The following KAT7 variants were observed in gnomAD, a reference collection of about 807,000 sequenced individuals.
The protein encoded by KAT7 is lysine acetyltransferase 7, also known as histone acetyltransferase KAT7.
Under a neutral mutation model 82.1 loss-of-function variants are expected in KAT7, and 10 were observed. The ratio of observed to expected loss-of-function variants is 0.12; its 90% CI spans 0.08 to 0.21. The LOEUF is 0.21. Ranked by LOEUF, KAT7 falls within the 10% of genes least tolerant of loss-of-function variation. The probability of loss-of-function intolerance (pLI) is 1.00; values close to 1 mark genes in which losing one functional copy is unlikely to be tolerated. For synonymous variants in KAT7, 250 were observed against 262.5 expected (o/e 0.95, Z 0.46); for missense variants, 378 against 760.9 (o/e 0.50, Z 5.92).
At chr17:49,825,289 T>C (rs1024398194) in intron 12 of KAT7, among the ~76,000 whole-genome samples, 1 of 152,228 alleles carries the variant, frequency 6.6e-6, no homozygotes, top group Non-Finnish European at 1.5e-5. Context: ...CACTATCTCA[T>C]AGGTGGTACT....
chr17:49,820,063 T>C (rs1448481143), intron 9 of KAT7, among the ~76,000 whole-genome samples: 1 of 152,176 alleles, frequency 6.6e-6, no homozygotes, highest in Non-Finnish European at 1.5e-5. Context: ...GAGACCAGCC[T>C]GGGCAAAATA....
chr17:49,823,522 G>A (rs2074331440), intron 12 of KAT7: 3 of 448,204 alleles, frequency 6.7e-6, no homozygotes, highest in African/African-American at 6.0e-5. Flanking sequence ...AGGTACAGAG[G>A]ATGATAAAGT....
In KAT7 at chr17:49,809,197, A is replaced by G. The variant is rs2074130583; in HGVS notation, c.742A>G (p.Thr248Ala). ...HRQDDNNRHATRHQAPTERQL... is the reference protein window; with the variant it reads ...HRQDDNNRHAARHQAPTERQL... ...GCAAGATGACAACAACAGGCATGCA[A>G]CCAGGCACCAGGTATGGGCCTTGTT... The change falls in exon 6 of 15, where the codon ACC (threonine) becomes GCC (alanine). Residue 248 changes from threonine (T) to alanine (A), a missense_variant. Thr to Ala is a moderately conservative substitution (Grantham distance 58). Around this residue, in one of 6 missense-constraint regions of KAT7, gnomAD observed 102 missense variants for 129.8 expected, o/e 0.79. Coordinates refer to ENST00000259021, the MANE Select transcript of KAT7 (RefSeq NM_007067.5). The G allele has an allele frequency of 6.2e-7, 1 of 1,613,668 alleles. No individual in the cohort carries two copies. Among genetic ancestry groups the G allele is most frequent in the Non-Finnish European group, 8.5e-7 (1 of 1,179,672 alleles).
At chr17:49,825,226 G>A (rs1255734764) in intron 12 of KAT7, among the ~76,000 whole-genome samples, 1 of 152,118 alleles carries the variant, frequency 6.6e-6, no homozygotes, top group African/African-American at 2.4e-5. Flanking sequence ...TTGAATGTTA[G>A]GTGTTTAGAC....
chr17:49,788,896 T>C lies in KAT7; in HGVS notation c.15+47T>C. On this transcript the variant is annotated intron_variant, in intron 1 of 14. Coordinates refer to ENST00000259021, the MANE Select transcript of KAT7 (RefSeq NM_007067.5). The stretch of plus-strand genomic sequence containing the variant: ...ATGGCGGGTTTCTAAGGACAGTCGA[T>C]TGAGCACCGTGACGCAGTTGGCCAC... 4 of 1,520,350 alleles carry C rather than the reference T, an allele frequency of 2.6e-6. No homozygotes were observed. In the South Asian group the frequency reaches 4.9e-5, roughly 19 times the overall value. 94.2% of individuals were successfully genotyped at this position (1,520,350 alleles called of 1,614,324 possible).
In KAT7 at chr17:49,797,440, C is replaced by G. The variant is rs139147963; in HGVS notation, c.340+514C>G. ...CCAGAGTAGCTGGAGTATATTAAAT[C>G]GTACCTGTAATAGGAAAAAGAGACT... On this transcript the variant is annotated intron_variant, in intron 3 of 14. Coordinates refer to ENST00000259021, the MANE Select transcript of KAT7 (RefSeq NM_007067.5). Among the ~76,000 whole-genome samples, 81 of 152,212 alleles carry G rather than the reference C, an allele frequency of 5.3e-4. No individual in the cohort carries two copies. In the East Asian group the frequency reaches 0.014, roughly 27 times the overall value.
rs2074021677 is a variant in KAT7, at chr17:49,801,293, C to T, written c.580+2735C>T. 2.0e-5 allele frequency among the ~76,000 whole-genome samples: 3 copies of T among 152,152 alleles called. No individual in the cohort carries two copies. The South Asian group carries it at 6.2e-4, about 32-fold the overall frequency. On this transcript the variant is annotated intron_variant, in intron 4 of 14. Transcript: ENST00000259021. ...CCGCCTCCCGGGCTCAAGTGATTCTCATGCGTCAGCTGCCTGAGTAGCTGG... is the reference window on the plus strand; with the variant it reads ...CCGCCTCCCGGGCTCAAGTGATTCTTATGCGTCAGCTGCCTGAGTAGCTGG...
At chr17:49,811,444 T>C in intron 6 of KAT7, 32 bp from the exon 7 acceptor site, 1 of 1,135,696 alleles carries the variant, frequency 8.8e-7, no homozygotes, top group East Asian at 2.5e-5. Flanking sequence ...TTATAAGGAG[T>C]TTTCTCTCAG....
intron 4 of KAT7, among the ~76,000 whole-genome samples, chr17:49,804,663 C>T (rs2074069366): frequency 6.6e-6 from 1 of 152,102 alleles, no homozygotes; most frequent in East Asian, 1.9e-4. Flanking sequence ...GTCCCAGCTA[C>T]TTGGGAGGCT....
Position 49,827,785 on chromosome 17 carries a change from C to A in KAT7, c.*283C>A. On this transcript the variant is annotated 3_prime_UTR_variant, in exon 15 of 15. Transcript: ENST00000259021. ...CAAGGAGTTCTGTTATGGTACTGTA[C>A]CTGTCCAGTCACTGGTTCTCTCCTC... 1 of 388,486 alleles carries A rather than the reference C, an allele frequency of 2.6e-6. No homozygotes were observed. The highest frequency in any genetic ancestry group is 4.7e-6 in the Non-Finnish European group (1 of 214,530). 24.1% of individuals were successfully genotyped at this position (388,486 alleles called of 1,614,324 possible).
intron 8 of KAT7, among the ~76,000 whole-genome samples, chr17:49,817,052 GT>G (rs945680695): frequency 1.3e-4 from 20 of 150,876 alleles, no homozygotes; most frequent in Non-Finnish European, 2.5e-4. Context: ...TAAAGGGCCT[GT>G]TTTTTTTTCT....
rs1325468075 is a variant in KAT7 at position 49,831,297 on chromosome 17, T to C, written c.*3795T>C. 1.3e-5 allele frequency: 2 copies of C among 152,068 alleles called. No homozygotes were observed. The highest frequency in any genetic ancestry group is 4.8e-5 in the African/African-American group (2 of 41,388). The allele number at this position is 152,068 out of a possible 1,614,324, so 9.4% of individuals were successfully genotyped here. Reference sequence around the variant, plus strand: ...TCTCAAAAACAAAAAACAGAATTGATTGATGTTAGTTGGCTTTAGAAGCAG... The same window carrying C: ...TCTCAAAAACAAAAAACAGAATTGACTGATGTTAGTTGGCTTTAGAAGCAG... On this transcript the variant is annotated 3_prime_UTR_variant, in exon 15 of 15. Transcript: ENST00000259021.
Position 49,816,590 on chromosome 17 carries a change from T to TA in KAT7, c.963+686dup, listed in dbSNP as rs1042892470. Among the ~76,000 whole-genome samples, 7 of 151,602 alleles carry TA rather than the reference T, an allele frequency of 4.6e-5. No individual in the cohort carries two copies. The South Asian group carries it at 8.3e-4, about 18-fold the overall frequency. On this transcript the variant is annotated intron_variant, in intron 8 of 14. Coordinates refer to ENST00000259021, the MANE Select transcript of KAT7 (RefSeq NM_007067.5). ...GTCTTCACCCCCTTCCCCCTTGTAT[T>TA]AAAAAAAAATTGTATCAAATACTAG...
In KAT7 at chr17:49,827,393, T is replaced by TC; in HGVS notation, c.1735-5dup. ...TATGTAATCCTTTTTCCCATTGTTC[T>TC]CCCTCAGGACCTGATTGATGAGTGG... On this transcript the variant is annotated splice_polypyrimidine_tract_variant and splice_region_variant and intron_variant, in intron 14 of 14. Coordinates refer to ENST00000259021, the MANE Select transcript of KAT7 (RefSeq NM_007067.5). 2 of 1,555,702 alleles carry TC rather than the reference T, an allele frequency of 1.3e-6. No individual in the cohort carries two copies. Among genetic ancestry groups the TC allele is most frequent in the Non-Finnish European group, 1.8e-6 (2 of 1,127,174 alleles).
chr17:49,805,439 A>G lies in KAT7; in HGVS notation c.657A>G (p.Glu219=). The change falls in exon 5 of 15, where the codon GAA becomes GAG. Residue 219 remains glutamate (E), a synonymous_variant. Coordinates refer to ENST00000259021, the MANE Select transcript of KAT7 (RefSeq NM_007067.5). ...TGTATCATAACCTCTCAGCTGACGA[A>G]TGCAAGGTAATTGTGCTCTCATTTA... ...CPLYHNLSAD[E]CKVRAQSRDK... The G allele has an allele frequency of 6.2e-7, 1 of 1,606,992 alleles. No homozygotes were observed. The highest frequency in any genetic ancestry group is 2.2e-5 in the East Asian group (1 of 44,838).
Position 49,811,586 on chromosome 17 carries a change from T to A in KAT7, c.852+12T>A. 7.7e-7 allele frequency: 1 copy of A among 1,306,556 alleles called. No homozygotes were observed. Among genetic ancestry groups the A allele is most frequent in the Non-Finnish European group, 1.0e-6 (1 of 953,294 alleles). 80.9% of individuals were successfully genotyped at this position (1,306,556 alleles called of 1,614,324 possible). ...AAGAGAAATATATGGTGAGGGAAAG[T>A]TAAATATTTAATGAGCATGAACTCC... is the stretch of plus-strand genomic sequence containing the variant. On this transcript the variant is annotated intron_variant, in intron 7 of 14. Coordinates refer to ENST00000259021, the MANE Select transcript of KAT7 (RefSeq NM_007067.5).
At chr17:49,823,690 C>A in intron 12 of KAT7, 1 of 157,128 alleles carries the variant, frequency 6.4e-6, no homozygotes, top group East Asian at 1.9e-4. Flanking sequence ...ATACTCTGCC[C>A]TCATTAATTG....
intron 4 of KAT7, among the ~76,000 whole-genome samples, chr17:49,802,395 C>T (rs1229434202): frequency 3.9e-5 from 6 of 152,050 alleles, no homozygotes; most frequent in African/African-American, 7.2e-5. Flanking sequence ...TGCCTGGGTG[C>T]GGTGGCTCAT....
chr17:49,798,288 T>C, intron 3 of KAT7, 31 bp from the exon 4 acceptor site: 1 of 1,606,064 alleles, frequency 6.2e-7, no homozygotes, highest in African/African-American at 1.3e-5. Context: ...TGAACTCCAC[T>C]CATAACTTCT....
Sources: allele counts gnomAD v4.1 joint callset (sites outside exome capture counted in the v4.1 genomes callset), GRCh38; gene constraint gnomAD v4.1.1; regional missense constraint gnomAD v4.1.1; transcripts MANE v1.5; gene names NCBI Gene and HGNC (gene_info 2026-07-23, HGNC 2026-07-21).